Variants in SAXO1 observed in about 807,000 individuals in gnomAD.
SAXO1 encodes the protein stabilizer of axonemal microtubules 1, also known as 4930500O09Rik.
In SAXO1, 21 loss-of-function variants were observed where a neutral mutation model predicts 17.5. The ratio of observed to expected loss-of-function variants is 1.20; its 90% CI spans 0.85 to 1.72. The LOEUF is 1.72. Ranked by LOEUF, SAXO1 falls within the 40% of genes most tolerant of loss-of-function variation. The pLI, the probability that SAXO1 is intolerant of heterozygous loss-of-function variation, is 0.00. For missense variants in SAXO1, 843 were observed against 596.0 expected (o/e 1.41, Z -4.32); for synonymous variants, 274 against 216.5 (o/e 1.27, Z -2.33).
rs930048004 is a variant in SAXO1, at chr9:18,950,859, C to T, written c.117G>A (p.Glu39=). 3 of 1,613,682 alleles carry T rather than the reference C, an allele frequency of 1.9e-6. No homozygotes were observed. The highest frequency in any genetic ancestry group is 1.7e-5 in the Admixed American group (1 of 59,988). The change falls in exon 2 of 4, where the codon GAG becomes GAA. Residue 39 remains glutamate (E), a synonymous_variant. Transcript: ENST00000380534. The stretch of plus-strand genomic sequence containing the variant: ...GGTAGGAGTGATAGAAAGGGTAGTT[C>T]TCGGTATATTCGGAGAGAAGACATG... ...EKPCLLSEYT[E]NYPFYHSYLP... is the part of the protein sequence containing the mutation.
chr9:19,021,667 G>C (rs1835238552), intron 1 of SAXO1, among the ~76,000 whole-genome samples: 1 of 152,228 alleles, frequency 6.6e-6, no homozygotes, highest in Admixed American at 6.5e-5. Flanking sequence ...AATCCCAACA[G>C]TCATAGTGAG....
rs779641510 is a variant in SAXO1, at chr9:18,950,953, A to C, written c.39-16T>G. On this transcript the variant is annotated splice_polypyrimidine_tract_variant and intron_variant, in intron 1 of 3. Coordinates refer to ENST00000380534, the MANE Select transcript of SAXO1 (RefSeq NM_153707.4). ...GTGATGCCGCCTATAAAAGACACAGAGTTAGGTTGATTACCTTCTTGGGAG... is the reference window on the plus strand; with the variant it reads ...GTGATGCCGCCTATAAAAGACACAGCGTTAGGTTGATTACCTTCTTGGGAG... 14 of 1,599,388 alleles carry C rather than the reference A, an allele frequency of 8.8e-6. No homozygotes were observed. In the Admixed American group the frequency reaches 2.4e-4, roughly 27 times the overall value.
At chr9:18,953,208 G>A (rs73645541) in intron 1 of SAXO1, among the ~76,000 whole-genome samples, 1,937 of 152,248 alleles carry the variant, frequency 0.013, 42 homozygotes, top group African/African-American at 0.042. Flanking sequence ...GGATAACTTA[G>A]TTTCAGGCAC....
At chr9:18,988,710 C>T (rs868440076) in intron 1 of SAXO1, among the ~76,000 whole-genome samples, 3 of 152,242 alleles carry the variant, frequency 2.0e-5, no homozygotes, top group Middle Eastern at 3.4e-3. Context: ...TAAATTATTA[C>T]AGTGATGTAA....
intron 1 of SAXO1, among the ~76,000 whole-genome samples, chr9:19,043,264 G>C (rs979038789): frequency 3.3e-5 from 5 of 152,112 alleles, no homozygotes; most frequent in African/African-American, 4.8e-5. Context: ...TGGAACTGGA[G>C]ATCATTATGT....
At chr9:18,956,916 T>A (rs1832281508) in intron 1 of SAXO1, among the ~76,000 whole-genome samples, 1 of 152,206 alleles carries the variant, frequency 6.6e-6, no homozygotes, top group South Asian at 2.1e-4. Flanking sequence ...GAAGATGTTA[T>A]CCTCCTCAAG....
chr9:18,993,500 G>A (rs1365472142), intron 1 of SAXO1, among the ~76,000 whole-genome samples: 1 of 152,196 alleles, frequency 6.6e-6, no homozygotes, highest in Non-Finnish European at 1.5e-5. Context: ...TTTGGAGGGT[G>A]AGAAGGTGCA....
At chr9:18,995,034 T>C (rs73433224) in intron 1 of SAXO1, among the ~76,000 whole-genome samples, 8 of 152,228 alleles carry the variant, frequency 5.3e-5, no homozygotes, top group Non-Finnish European at 1.0e-4. Flanking sequence ...GTTTTTCTTT[T>C]TGAAATGCAC....
rs199737198 is a variant in SAXO1 at position 19,012,711 on chromosome 9, G to GCC, written c.38+20159_38+20160insGG. On this transcript the variant is annotated intron_variant, in intron 1 of 3. Coordinates refer to ENST00000380534, the MANE Select transcript of SAXO1 (RefSeq NM_153707.4). ...GACAAGCAACCTGTGATTATATTTT[G>GCC]GCTTACTTTTAATTTTTCTAAACAG... Among the ~76,000 whole-genome samples, 150 of 101,726 alleles carry GCC rather than the reference G, an allele frequency of 1.5e-3. 1 individual carries two copies. In the East Asian group the frequency reaches 0.037, roughly 25 times the overall value. The allele number at this position is 101,726 out of a possible 152,430, so 66.7% of individuals were successfully genotyped here.
chr9:19,018,865 T>C (rs1835107630), intron 1 of SAXO1, among the ~76,000 whole-genome samples: 1 of 152,158 alleles, frequency 6.6e-6, no homozygotes, highest in Non-Finnish European at 1.5e-5. Flanking sequence ...ATCCCAGCAC[T>C]TTGGGAGGCT....
At chr9:18,972,803 G>T (rs7024351) in intron 1 of SAXO1, among the ~76,000 whole-genome samples, 145,475 of 152,310 alleles carry the variant, frequency 0.96, 69,503 homozygotes, top group East Asian at 1. Context: ...CCTACATCTT[G>T]TTCTCTTCTT....
chr9:19,021,339 A>G (rs957498168), intron 1 of SAXO1, among the ~76,000 whole-genome samples: 1 of 152,256 alleles, frequency 6.6e-6, no homozygotes, highest in African/African-American at 2.4e-5. Flanking sequence ...CGCAAGAGCC[A>G]TAAGGTCCGA....
At chr9:19,029,849 C>A (rs1305331995) in intron 1 of SAXO1, among the ~76,000 whole-genome samples, 1 of 152,198 alleles carries the variant, frequency 6.6e-6, no homozygotes, top group African/African-American at 2.4e-5. Context: ...CTAAATCTTA[C>A]ATTCCTAACC....
intron 1 of SAXO1, among the ~76,000 whole-genome samples, chr9:18,999,284 C>A (rs1462576777): frequency 6.6e-6 from 1 of 152,190 alleles, no homozygotes; most frequent in Non-Finnish European, 1.5e-5. Flanking sequence ...AGTGCCTCTG[C>A]CCAGCGACCG....
intron 1 of SAXO1, among the ~76,000 whole-genome samples, chr9:18,962,552 G>A (rs1425234338): frequency 6.6e-6 from 1 of 152,202 alleles, no homozygotes; most frequent in African/African-American, 2.4e-5. Context: ...TGGACAGATT[G>A]CAAAAATGTT....
intron 1 of SAXO1, among the ~76,000 whole-genome samples, chr9:18,999,962 A>G (rs1236562698): frequency 5.4e-4 from 26 of 47,816 alleles, no homozygotes; most frequent in Admixed American, 1.5e-3. Flanking sequence ...GAGTGCCTCT[A>G]CCCAGCCGCC....
intron 1 of SAXO1, chr9:19,028,237 G>T (rs892431666): frequency 1.5e-4 from 125 of 820,558 alleles, no homozygotes; most frequent in Non-Finnish European, 2.2e-4. Flanking sequence ...TTAGCCGGCC[G>T]TAGTGGCGGG....
intron 1 of SAXO1, among the ~76,000 whole-genome samples, chr9:18,984,235 G>A (rs1175587093): frequency 6.6e-6 from 1 of 152,176 alleles, no homozygotes. Context: ...AGTAGATTTT[G>A]CATACTTCTT....
intron 1 of SAXO1, among the ~76,000 whole-genome samples, chr9:18,973,769 G>A (rs184553706): frequency 6.4e-4 from 98 of 152,304 alleles, no homozygotes; most frequent in African/African-American, 2.3e-3. Flanking sequence ...TACAGAAGGT[G>A]TTTAGTCTTA....
Sources: gnomAD v4.1 joint callset for allele counts (sites outside exome capture counted in the v4.1 genomes callset) on GRCh38, gnomAD v4.1.1 for gene constraint, MANE v1.5 for transcripts, NCBI Gene and HGNC (gene_info 2026-07-23, HGNC 2026-07-21) for gene names.